INSYN2A: variants seen among roughly 807,000 people sequenced by gnomAD.
INSYN2A encodes the protein inhibitory synaptic factor 2A.
Under a neutral mutation model 39.4 loss-of-function variants are expected in INSYN2A, and 17 were observed. The observed-to-expected ratio is 0.43, with a 90% CI of 0.30 to 0.65. INSYN2A has a LOEUF of 0.65. Among genes scored for constraint, INSYN2A ranks in the 30% least tolerant of loss-of-function variants. The pLI, the probability that INSYN2A is intolerant of heterozygous loss-of-function variation, is 0.14. For missense variants in INSYN2A, 595 were observed against 631.2 expected, an observed-to-expected ratio of 0.94 and a Z score of 0.61; for synonymous variants, 255 against 265.7, an observed-to-expected ratio of 0.96 and a Z score of 0.39.
rs2050654423 is a variant in INSYN2A at position 127,135,954 on chromosome 10, T to C, written c.*1883A>G. 6.6e-6 allele frequency: 1 copy of C among 152,658 alleles called. No homozygotes were observed. Among genetic ancestry groups the C allele is most frequent in the African/African-American group, 2.4e-5 (1 of 41,458 alleles). The allele number at this position is 152,658 out of a possible 1,614,324, so 9.5% of individuals were successfully genotyped here. On this transcript the variant is annotated 3_prime_UTR_variant, in exon 6 of 6. Coordinates refer to ENST00000522781, the MANE Select transcript of INSYN2A (RefSeq NM_001039762.3). ...ACAGTATAAAAAACATGAAACCCAT[T>C]TTTAAATATTTAGTCTACGTGAAAC...
intron 5 of INSYN2A, among the ~76,000 whole-genome samples, chr10:127,143,414 G>A (rs913583463): frequency 4.6e-5 from 7 of 152,164 alleles, no homozygotes; most frequent in Admixed American, 3.3e-4. Flanking sequence ...TGCTGACTCA[G>A]GCTCTACCAC....
intron 4 of INSYN2A, among the ~76,000 whole-genome samples, chr10:127,159,533 A>C (rs2053402626): frequency 6.6e-6 from 1 of 152,230 alleles, no homozygotes; most frequent in South Asian, 2.1e-4. Flanking sequence ...ATACCTTTGT[A>C]AATTTATTTT....
Position 127,137,857 on chromosome 10 carries a change from A to C in INSYN2A, c.1420T>G (p.Trp474Gly). 1 of 1,613,888 alleles carries C rather than the reference A, an allele frequency of 6.2e-7. No homozygotes were observed. Among genetic ancestry groups the C allele is most frequent in the Non-Finnish European group, 8.5e-7 (1 of 1,179,958 alleles). Residue 474 changes from tryptophan to glycine, a missense_variant, in exon 6 of 6, where the codon TGG becomes GGG. Physicochemically the swap from Trp to Gly is radical, Grantham distance 184. Transcript: ENST00000522781. ...GAGTGTTAAAGGAACCAGAGTTTCC[A>C]TCTTCCGTGCTTTTTAGATTCAGTT... The part of the protein sequence containing the change: ...SKTESKKHGR[W>G]KLWFL
At chr10:127,171,365 A>G (rs553443668) in intron 4 of INSYN2A, among the ~76,000 whole-genome samples, 1 of 152,342 alleles carries the variant, frequency 6.6e-6, no homozygotes, top group Non-Finnish European at 1.5e-5. Flanking sequence ...TACAATAAAC[A>G]TGTTCTAAGA....
intron 5 of INSYN2A, among the ~76,000 whole-genome samples, chr10:127,149,255 C>T (rs1564842451): frequency 2.0e-5 from 3 of 152,236 alleles, no homozygotes; most frequent in East Asian, 1.9e-4. Context: ...ACAGACACCC[C>T]ACCCAAGAGA....
intron 2 of INSYN2A, among the ~76,000 whole-genome samples, chr10:127,188,143 A>G (rs541714332): frequency 1.3e-4 from 20 of 152,248 alleles, no homozygotes; most frequent in African/African-American, 4.8e-4. Flanking sequence ...AGGTGTTGGG[A>G]TGATCACCAG....
At position 127,135,808 on chromosome 10, in the gene INSYN2A, G is replaced by A. The variant is rs1242678708; in HGVS notation, c.*2029C>T. On this transcript the variant is annotated 3_prime_UTR_variant, in exon 6 of 6. Coordinates refer to ENST00000522781, the MANE Select transcript of INSYN2A (RefSeq NM_001039762.3). ...ACTAGGATGTCCTCTTGTTTAGACA[G>A]ATTTGTGTTACTAATTAGAAAACTG... The A allele has an allele frequency of 6.6e-6, 1 of 152,586 alleles. No individual in the cohort carries two copies. The highest frequency in any genetic ancestry group is 1.5e-5 in the Non-Finnish European group (1 of 68,020). 9.5% of individuals were successfully genotyped at this position (152,586 alleles called of 1,614,324 possible).
chr10:127,169,361 C>G (rs536723060), intron 4 of INSYN2A, among the ~76,000 whole-genome samples: 2 of 152,326 alleles, frequency 1.3e-5, no homozygotes, highest in Non-Finnish European at 2.9e-5. Flanking sequence ...GTGTCCATCA[C>G]TTCAGTGATG....
intron 5 of INSYN2A, among the ~76,000 whole-genome samples, chr10:127,147,515 C>T (rs1456805895): frequency 6.6e-6 from 1 of 152,096 alleles, no homozygotes; most frequent in Admixed American, 6.5e-5. Flanking sequence ...ATACAGAGGG[C>T]TCTCTCTCGC....
chr10:127,186,511 C>CGT (rs1482804970), intron 2 of INSYN2A, among the ~76,000 whole-genome samples: 2 of 24,814 alleles, frequency 8.1e-5, no homozygotes, highest in African/African-American at 1.9e-4. Context: ...GAAACCGCCC[C>CGT]CCCGCCCCCC....
In INSYN2A at chr10:127,138,026, A is replaced by G. The variant is rs759426927; in HGVS notation, c.1257-6T>C. ...GCTTAAAATCCAGCTCCACACTAGA[A>G]AAGAGAGAGAGTGAAGACTTTAGCA... On this transcript the variant is annotated splice_polypyrimidine_tract_variant and splice_region_variant and intron_variant, in intron 5 of 5. Coordinates refer to ENST00000522781, the MANE Select transcript of INSYN2A (RefSeq NM_001039762.3). The G allele has an allele frequency of 5.0e-6, 8 of 1,600,872 alleles. No individual in the cohort carries two copies. In the East Asian group the frequency reaches 1.8e-4, roughly 36 times the overall value.
Position 127,176,061 on chromosome 10 carries a change from T to G in INSYN2A, c.335A>C (p.Lys112Thr). 1 of 1,614,168 alleles carries G rather than the reference T, an allele frequency of 6.2e-7. No individual in the cohort carries two copies. The highest frequency in any genetic ancestry group is 1.7e-5 in the Admixed American group (1 of 60,022). Reference sequence around the variant, plus strand: ...CAGAGGGAACGTCTGGTAACACTTCTTAAGGTCGGGCGAGGTCTGCACGCC... The same window carrying G: ...CAGAGGGAACGTCTGGTAACACTTCGTAAGGTCGGGCGAGGTCTGCACGCC... ...STGVQTSPDL[K>T]KCYQTFPLDR... The change falls in exon 4 of 6, where the codon AAG becomes ACG. Residue 112 changes from lysine (K) to threonine (T), a missense_variant. By Grantham distance (78) the Lys-to-Thr change is moderately conservative. Transcript: ENST00000522781. This position sits in a 1 kb window ranked among gnomAD's most constrained non-coding sequence, Gnocchi z 4.4.
chr10:127,173,213 T>C (rs1164142752), intron 4 of INSYN2A, among the ~76,000 whole-genome samples: 1 of 151,402 alleles, frequency 6.6e-6, no homozygotes. Context: ...GCTGAACACA[T>C]TAGAAGGTCA....
chr10:127,154,460 G>A (rs1473753812), intron 4 of INSYN2A, among the ~76,000 whole-genome samples: 2 of 152,180 alleles, frequency 1.3e-5, no homozygotes, highest in East Asian at 1.9e-4. Context: ...GAAATGATCC[G>A]AAATTCAAAT....
chr10:127,182,453 G>A (rs771286380), intron 2 of INSYN2A, among the ~76,000 whole-genome samples: 21 of 152,014 alleles, frequency 1.4e-4, no homozygotes, highest in African/African-American at 4.6e-4. Context: ...AAAGAACCAG[G>A]GAATGGCCCT....
At chr10:127,139,977 A>C (rs2051065715) in intron 5 of INSYN2A, among the ~76,000 whole-genome samples, 2 of 152,240 alleles carry the variant, frequency 1.3e-5, no homozygotes. Flanking sequence ...CAAGGAAAAC[A>C]AGAGCCTGTC....
chr10:127,166,506 A>G (rs1160319095), intron 4 of INSYN2A, among the ~76,000 whole-genome samples: 2 of 152,234 alleles, frequency 1.3e-5, no homozygotes, highest in African/African-American at 2.4e-5. Context: ...TGGAGAAGGT[A>G]CTGAGCATAT....
At chr10:127,142,639 G>C (rs2051376276) in intron 5 of INSYN2A, among the ~76,000 whole-genome samples, 1 of 152,092 alleles carries the variant, frequency 6.6e-6, no homozygotes, top group Admixed American at 6.6e-5. Flanking sequence ...TGGATGGCTG[G>C]GGATATTGAC....
chr10:127,156,629 C>T (rs1434692234), intron 4 of INSYN2A, among the ~76,000 whole-genome samples: 3 of 124,398 alleles, frequency 2.4e-5, no homozygotes, highest in Non-Finnish European at 3.2e-5. Context: ...GTGCAATGGG[C>T]ACAATCTGGG....
Sources: gnomAD v4.1 joint callset for allele counts (sites outside exome capture counted in the v4.1 genomes callset) on GRCh38, gnomAD v4.1.1 for gene constraint, Gnocchi (gnomAD v3.1) non-coding constraint, MANE v1.5 for transcripts, NCBI Gene and HGNC (gene_info 2026-07-23, HGNC 2026-07-21) for gene names.